Variants in SLC35D4 observed in about 807,000 individuals in gnomAD.
The protein encoded by SLC35D4 is UDP-N-acetylglucosamine transporter SLC35D4.
At chr18:23,330,760 TCTCA>T in the SLC35D4 span, among the ~76,000 whole-genome samples, 3 of 152,276 alleles carry the variant, frequency 2.0e-5, no homozygotes, top group African/African-American at 7.2e-5. Context: ...TCCACCAGCC[TCTCA>T]GTTTCCTGGA....
the SLC35D4 span, among the ~76,000 whole-genome samples, chr18:23,306,106 G>C: frequency 6.6e-6 from 1 of 152,006 alleles, no homozygotes; most frequent in Non-Finnish European, 1.5e-5. Context: ...GGCCACCTGG[G>C]AGATGGGAGG....
At chr18:23,252,631 G>A in the SLC35D4 span, among the ~76,000 whole-genome samples, 10 of 152,260 alleles carry the variant, frequency 6.6e-5, no homozygotes, top group East Asian at 3.9e-4. Context: ...CAAGCCCCAC[G>A]CGCTTAAGCC....
the SLC35D4 span, among the ~76,000 whole-genome samples, chr18:23,397,126 C>T: frequency 6.6e-6 from 1 of 152,110 alleles, no homozygotes; most frequent in Non-Finnish European, 1.5e-5. Flanking sequence ...AGCACTCCAA[C>T]ATTGAGGATC....
the SLC35D4 span, among the ~76,000 whole-genome samples, chr18:23,262,357 G>C: frequency 6.6e-6 from 1 of 152,194 alleles, no homozygotes; most frequent in Non-Finnish European, 1.5e-5. Flanking sequence ...TGGATCCCAG[G>C]TTCCCAGGGC....
At chr18:23,373,189 C>T in the SLC35D4 span, among the ~76,000 whole-genome samples, 447 of 152,190 alleles carry the variant, frequency 2.9e-3, 4 homozygotes, top group African/African-American at 0.01. Flanking sequence ...GTGGTGGGCG[C>T]TTGTAATCCC....
chr18:23,374,086 T>G, the SLC35D4 span, among the ~76,000 whole-genome samples: 6 of 152,126 alleles, frequency 3.9e-5, no homozygotes, highest in Admixed American at 3.9e-4. Flanking sequence ...AAACAAGTGT[T>G]TTTTCAACTG....
At chr18:23,281,812 A>T in the SLC35D4 span, among the ~76,000 whole-genome samples, 1 of 152,246 alleles carries the variant, frequency 6.6e-6, no homozygotes, top group African/African-American at 2.4e-5. Flanking sequence ...CTCCAGCAAC[A>T]GGAGTGGCTG....
the SLC35D4 span, among the ~76,000 whole-genome samples, chr18:23,420,355 G>A: frequency 2.7e-3 from 413 of 152,116 alleles, 4 homozygotes; most frequent in African/African-American, 9.5e-3. Context: ...GGAGTTCATT[G>A]TATTATTCTA....
At chr18:23,257,076 C>A in the SLC35D4 span, 2 of 811,996 alleles carry the variant, frequency 2.5e-6, no homozygotes, top group Non-Finnish European at 3.8e-6. Flanking sequence ...GGAAGCACAG[C>A]CTGTGCCTCC....
chr18:23,389,506 C>T, the SLC35D4 span, among the ~76,000 whole-genome samples: 2 of 152,184 alleles, frequency 1.3e-5, no homozygotes, highest in African/African-American at 4.8e-5. Context: ...TGCACTCTAT[C>T]AGCCTGTGTA....
the SLC35D4 span, among the ~76,000 whole-genome samples, chr18:23,275,096 T>G: frequency 2.1e-4 from 31 of 150,014 alleles, no homozygotes; most frequent in Admixed American, 1.7e-3. Context: ...GTGTGCGTGC[T>G]TGTGTGTTTT....
At chr18:23,323,888 G>A in the SLC35D4 span, among the ~76,000 whole-genome samples, 2 of 151,960 alleles carry the variant, frequency 1.3e-5, no homozygotes, top group African/African-American at 4.8e-5. Context: ...AGACCAGCCT[G>A]GCCAACATAG....
chr18:23,320,762 G>A, the SLC35D4 span, among the ~76,000 whole-genome samples: 5 of 152,168 alleles, frequency 3.3e-5, no homozygotes, highest in African/African-American at 9.7e-5. Context: ...TAAGAGCTTG[G>A]TGGATCTCTG....
the SLC35D4 span, among the ~76,000 whole-genome samples, chr18:23,414,612 G>A: frequency 2.6e-5 from 4 of 151,734 alleles, no homozygotes; most frequent in African/African-American, 9.7e-5. Context: ...GGCAGAGGTT[G>A]CAATGAGCCA....
At chr18:23,381,797 T>G in the SLC35D4 span, among the ~76,000 whole-genome samples, 2 of 152,196 alleles carry the variant, frequency 1.3e-5, no homozygotes, top group Non-Finnish European at 2.9e-5. Flanking sequence ...CTGAAGGACT[T>G]TCTAACCCTC....
At chr18:23,323,125 A>G in the SLC35D4 span, among the ~76,000 whole-genome samples, 1 of 152,250 alleles carries the variant, frequency 6.6e-6, no homozygotes, top group Admixed American at 6.5e-5. Context: ...TACTCAAAGC[A>G]CAGATCTAAT....
chr18:23,358,009 G>A, the SLC35D4 span, among the ~76,000 whole-genome samples: 4 of 152,218 alleles, frequency 2.6e-5, no homozygotes, highest in Non-Finnish European at 4.4e-5. Context: ...TGCGAAGAGC[G>A]TGGATATATT....
At chr18:23,264,064 G>A in the SLC35D4 span, among the ~76,000 whole-genome samples, 10 of 152,220 alleles carry the variant, frequency 6.6e-5, no homozygotes, top group Non-Finnish European at 1.2e-4. Flanking sequence ...ATGAGCCATC[G>A]CAAAACAAAT....
chr18:23,433,065 TC>T, the SLC35D4 span, among the ~76,000 whole-genome samples: 1 of 72,082 alleles, frequency 1.4e-5, no homozygotes, highest in Admixed American at 1.1e-4. Context: ...GTAACTCTTT[TC>T]TTTTTTTTTT....
Sources: allele counts gnomAD v4.1 joint callset (sites outside exome capture counted in the v4.1 genomes callset), GRCh38; gene constraint gnomAD v4.1.1; transcripts MANE v1.5; gene names NCBI Gene and HGNC (gene_info 2026-07-23, HGNC 2026-07-21).